Variants in RHOBTB2 observed in about 807,000 individuals in gnomAD.
RHOBTB2 encodes the protein rho-related BTB domain-containing protein 2.
Under a neutral mutation model 66.5 loss-of-function variants are expected in RHOBTB2, and 39 were observed. The observed-to-expected ratio is 0.59, with a 90% CI of 0.45 to 0.77. RHOBTB2 has a LOEUF of 0.77. Ranked by LOEUF, RHOBTB2 falls within the 30% of genes least tolerant of loss-of-function variation. The probability of loss-of-function intolerance (pLI) is 0.00; values close to 1 mark genes in which losing one functional copy is unlikely to be tolerated. For synonymous variants in RHOBTB2, 390 were observed against 395.0 expected, an observed-to-expected ratio of 0.99 and a Z score of 0.15; for missense variants, 755 against 999.1, an observed-to-expected ratio of 0.76 and a Z score of 3.29.
At chr8:22,974,197 G>A in the RHOBTB2 span, among the ~76,000 whole-genome samples, 1 of 152,210 alleles carries the variant, frequency 6.6e-6, no homozygotes, top group Non-Finnish European at 1.5e-5. Context: ...AAGGGCAGGG[G>A]AGACTGGTTT....
At chr8:22,960,989 C>A in the RHOBTB2 span, among the ~76,000 whole-genome samples, 1 of 152,178 alleles carries the variant, frequency 6.6e-6, no homozygotes, top group African/African-American at 2.4e-5. Context: ...ACTGTAGATT[C>A]TGTTAAATTA....
the RHOBTB2 span, among the ~76,000 whole-genome samples, chr8:22,970,856 T>C: frequency 6.6e-6 from 1 of 152,204 alleles, no homozygotes; most frequent in African/African-American, 2.4e-5. Flanking sequence ...GCTGCTAAAC[T>C]GTGACAGTCT....
chr8:23,011,957 GA>G (rs1811161619), intron 7 of RHOBTB2, among the ~76,000 whole-genome samples: 1 of 152,200 alleles, frequency 6.6e-6, no homozygotes, highest in Non-Finnish European at 1.5e-5. Flanking sequence ...GTTACAGAAA[GA>G]AGGCAGAAAT....
chr8:22,967,646 C>T, the RHOBTB2 span, among the ~76,000 whole-genome samples: 1 of 147,566 alleles, frequency 6.8e-6, no homozygotes, highest in African/African-American at 2.5e-5. Context: ...TACTATCTCA[C>T]TCATATGAGG....
At chr8:22,968,653 T>C in the RHOBTB2 span, among the ~76,000 whole-genome samples, 1 of 152,080 alleles carries the variant, frequency 6.6e-6, no homozygotes. Flanking sequence ...AACAGTATGA[T>C]ATGTTACAAC....
the RHOBTB2 span, chr8:22,978,269 A>C: frequency 6.6e-6 from 1 of 152,192 alleles, no homozygotes; most frequent in Non-Finnish European, 1.5e-5. Context: ...AAATTTAACA[A>C]TTGTTCAGTT....
chr8:23,007,647 C>G lies in RHOBTB2; in HGVS notation c.1402C>G (p.Leu468Val). 1 of 1,614,214 alleles carries G rather than the reference C, an allele frequency of 6.2e-7. No individual in the cohort carries two copies. Among genetic ancestry groups the G allele is most frequent in the Non-Finnish European group, 8.5e-7 (1 of 1,180,054 alleles). The change falls in exon 5 of 10, where the codon CTC becomes GTC. Residue 468 changes from leucine to valine, a missense_variant. Around this residue, in one of 7 missense-constraint regions of RHOBTB2, gnomAD observed 353 missense variants for 458.2 expected, o/e 0.77. Coordinates refer to ENST00000251822, the MANE Select transcript of RHOBTB2 (RefSeq NM_015178.3). ...FDLRMMVANI[L>V]NNEAFMNQEI... ...TCTGCGCATGATGGTGGCCAACATT[C>G]TCAACAATGAGGCCTTCATGAACCA... is the stretch of plus-strand genomic sequence containing the variant.
At chr8:22,950,905 T>C in the RHOBTB2 span, among the ~76,000 whole-genome samples, 1 of 152,210 alleles carries the variant, frequency 6.6e-6, no homozygotes, top group Admixed American at 6.5e-5. Context: ...TAGCTCCAGG[T>C]AGCCTTTTCC....
chr8:22,966,419 A>T, the RHOBTB2 span, among the ~76,000 whole-genome samples: 1 of 152,052 alleles, frequency 6.6e-6, no homozygotes, highest in African/African-American at 2.4e-5. Context: ...CAACCCAAGC[A>T]AAAAACGGGT....
chr8:22,976,396 G>A, the RHOBTB2 span, among the ~76,000 whole-genome samples: 1 of 152,076 alleles, frequency 6.6e-6, no homozygotes, highest in East Asian at 1.9e-4. Context: ...GGGAAGACGG[G>A]ACAAAAAGAG....
At chr8:22,961,487 G>C in the RHOBTB2 span, among the ~76,000 whole-genome samples, 1 of 152,112 alleles carries the variant, frequency 6.6e-6, no homozygotes, top group East Asian at 1.9e-4. Context: ...CCTGACTCTC[G>C]AGCCCTTCTT....
At chr8:22,989,129 C>A (rs913572324) in intron 1 of RHOBTB2, among the ~76,000 whole-genome samples, 3 of 152,130 alleles carry the variant, frequency 2.0e-5, no homozygotes, top group African/African-American at 7.2e-5. Context: ...AAGTCACGTG[C>A]CTTGAAGCAA....
chr8:22,981,788 C>T, the RHOBTB2 span, among the ~76,000 whole-genome samples: 2 of 152,224 alleles, frequency 1.3e-5, no homozygotes, highest in African/African-American at 4.8e-5. Context: ...CTGGCATACT[C>T]TTACAGCAAA....
chr8:22,956,018 G>T, the RHOBTB2 span, among the ~76,000 whole-genome samples: 1 of 152,178 alleles, frequency 6.6e-6, no homozygotes, highest in Non-Finnish European at 1.5e-5. Flanking sequence ...CCCTACCTAT[G>T]CTCACCTTTG....
At chr8:23,001,918 A>G (rs761094051) in intron 1 of RHOBTB2, among the ~76,000 whole-genome samples, 18 of 152,180 alleles carry the variant, frequency 1.2e-4, no homozygotes, top group Non-Finnish European at 2.1e-4. Context: ...GTATTTGTCA[A>G]TTTCCACTTG....
At chr8:22,963,789 T>C in the RHOBTB2 span, among the ~76,000 whole-genome samples, 1 of 151,770 alleles carries the variant, frequency 6.6e-6, no homozygotes, top group Non-Finnish European at 1.5e-5. Flanking sequence ...ATTATTATTA[T>C]TATTATTTTA....
chr8:22,990,249 G>A (rs1387129531), intron 1 of RHOBTB2, among the ~76,000 whole-genome samples: 1 of 152,194 alleles, frequency 6.6e-6, no homozygotes, highest in Non-Finnish European at 1.5e-5. Flanking sequence ...AGAGAAAAGG[G>A]GGACCCAGGT....
intron 9 of RHOBTB2, among the ~76,000 whole-genome samples, chr8:23,016,601 G>C (rs1226251599): frequency 6.6e-6 from 1 of 151,784 alleles, no homozygotes; most frequent in East Asian, 1.9e-4. Context: ...TAGTAGAGAC[G>C]GGGTTTCACC....
chr8:23,007,997 G>T lies in RHOBTB2; in HGVS notation c.1506G>T (p.Val502=). 1 of 1,613,344 alleles carries T rather than the reference G, an allele frequency of 6.2e-7. No individual in the cohort carries two copies. The highest frequency in any genetic ancestry group is 1.1e-5 in the South Asian group (1 of 91,042). ...ECLAKGTFSD[V]TFILDDGTIS... is the part of the protein sequence containing the mutation. ...TGTGATGCTTCTTCTGGACAGATGT[G>T]ACCTTCATCCTGGATGATGGCACCA... Residue 502 remains valine (V), a synonymous_variant, in exon 6 of 10, where the codon GTG becomes GTT. Transcript: ENST00000251822.
Sources: allele counts gnomAD v4.1 joint callset (sites outside exome capture counted in the v4.1 genomes callset), GRCh38; gene constraint gnomAD v4.1.1; regional missense constraint gnomAD v4.1.1; transcripts MANE v1.5; gene names NCBI Gene and HGNC (gene_info 2026-07-23, HGNC 2026-07-21).